Variants in AMBRA1 observed in about 807,000 individuals in gnomAD.
AMBRA1 encodes the protein autophagy and beclin 1 regulator 1, also known as activating molecule in BECN1-regulated autophagy protein 1.
In AMBRA1, 47 loss-of-function variants were observed where a neutral mutation model predicts 125.4. That is an observed-to-expected ratio of 0.37 (90% CI 0.30 to 0.48). The LOEUF (loss-of-function observed/expected upper bound fraction) is 0.48, where lower values mean the gene tolerates loss of function less well. AMBRA1 is among the 20% of genes least tolerant of loss of function. The pLI, the probability that AMBRA1 is intolerant of heterozygous loss-of-function variation, is 0.99. For synonymous variants in AMBRA1, 626 were observed against 655.5 expected (o/e 0.95, Z 0.69); for missense variants, 1,331 against 1,693.4 (o/e 0.79, Z 3.76).
At chr11:46,583,650 TCCAAAAAAAAAA>T (rs1220434066) in intron 1 of AMBRA1, among the ~76,000 whole-genome samples, 4 of 18,088 alleles carry the variant, frequency 2.2e-4, no homozygotes, top group South Asian at 9.8e-3. Context: ...CAAACAAATT[TCCAAAAAAAAAA>T]AAAAAAAAAA....
At chr11:46,411,191 C>T (rs370614262) in intron 15 of AMBRA1, among the ~76,000 whole-genome samples, 2 of 151,914 alleles carry the variant, frequency 1.3e-5, no homozygotes, top group African/African-American at 4.8e-5. Context: ...GCGGCCTGAG[C>T]GGAGGAAGAC....
chr11:46,586,883 T>G (rs2044422050), intron 1 of AMBRA1, among the ~76,000 whole-genome samples: 1 of 152,256 alleles, frequency 6.6e-6, no homozygotes, highest in Non-Finnish European at 1.5e-5. Flanking sequence ...GAGATATTTT[T>G]CTGTCCTGTT....
At chr11:46,428,588 T>G (rs1947273545) in intron 14 of AMBRA1, 1 of 1,146,034 alleles carries the variant, frequency 8.7e-7, no homozygotes, top group Non-Finnish European at 1.2e-6. Context: ...TTCTTCTTCT[T>G]CTTCTTTTTT....
At chr11:46,422,131 T>C (rs934981283) in intron 14 of AMBRA1, among the ~76,000 whole-genome samples, 4 of 152,058 alleles carry the variant, frequency 2.6e-5, no homozygotes, top group African/African-American at 9.7e-5. Flanking sequence ...GGACGTATTA[T>C]CAGAACAGGG....
In AMBRA1 at chr11:46,443,598, C is replaced by T; in HGVS notation, c.2522G>A (p.Gly841Glu). 1.2e-6 allele frequency: 2 copies of T among 1,612,836 alleles called. No individual in the cohort carries two copies. The highest frequency in any genetic ancestry group is 1.7e-6 in the Non-Finnish European group (2 of 1,178,962). The change falls in exon 12 of 18, where the codon GGG becomes GAG. Residue 841 changes from glycine (G) to glutamate (E), a missense_variant and splice_region_variant. This residue lies in a region of AMBRA1 where 354 missense variants were observed against 532.7 expected (regional missense o/e 0.66). Transcript: ENST00000683756. ...THSSVNRVLA[G>E]AVIGDGQSAV... is the part of the protein sequence containing the mutation. The stretch of plus-strand genomic sequence containing the variant: ...AGACTGTCCATCACCGATCACTGCC[C>T]CTTATGAGGAAGAAGTCAAAGACAG...
At chr11:46,578,882 CAAAAAAAAAAAAAAAAA>C (rs71042607) in intron 1 of AMBRA1, among the ~76,000 whole-genome samples, 1 of 24,454 alleles carries the variant, frequency 4.1e-5, no homozygotes, top group Non-Finnish European at 6.4e-5. Context: ...GACTCAGTCT[CAAAAAAAAAAAAAAAAA>C]AAAAAAAAAG....
intron 11 of AMBRA1, among the ~76,000 whole-genome samples, chr11:46,454,560 C>T (rs1202722417): frequency 6.9e-6 from 1 of 145,928 alleles, no homozygotes; most frequent in Non-Finnish European, 1.5e-5. Context: ...ACGGTGAAAC[C>T]CCATCTCCAC....
At chr11:46,559,008 A>T (rs531211923) in intron 1 of AMBRA1, among the ~76,000 whole-genome samples, 2 of 152,330 alleles carry the variant, frequency 1.3e-5, no homozygotes, top group South Asian at 4.1e-4. Flanking sequence ...TACCTTAAAA[A>T]GAAAAACCTA....
intron 11 of AMBRA1, among the ~76,000 whole-genome samples, chr11:46,478,531 C>T (rs892857479): frequency 1.3e-5 from 2 of 152,028 alleles, no homozygotes; most frequent in African/African-American, 4.8e-5. Flanking sequence ...CCCTGATATC[C>T]TATGTCTAGG....
chr11:46,437,571 C>T (rs1159748250), intron 12 of AMBRA1, among the ~76,000 whole-genome samples: 6 of 152,204 alleles, frequency 3.9e-5, no homozygotes, highest in Admixed American at 1.3e-4. Context: ...TTCATTCTCA[C>T]ATTTGCTGTT....
chr11:46,587,017 C>A (rs1319080268), intron 1 of AMBRA1, among the ~76,000 whole-genome samples: 2 of 152,120 alleles, frequency 1.3e-5, no homozygotes, highest in African/African-American at 2.4e-5. Flanking sequence ...TACCTGTGAT[C>A]TATTCTAGAG....
intron 11 of AMBRA1, among the ~76,000 whole-genome samples, chr11:46,473,381 G>A (rs1215485424): frequency 6.6e-6 from 1 of 152,232 alleles, no homozygotes; most frequent in Non-Finnish European, 1.5e-5. Context: ...CTTTAGGTGT[G>A]TTTAAGTGAC....
At chr11:46,460,388 C>A (rs1056839383) in intron 11 of AMBRA1, among the ~76,000 whole-genome samples, 2 of 150,706 alleles carry the variant, frequency 1.3e-5, no homozygotes, top group African/African-American at 4.9e-5. Flanking sequence ...GTGGCGCAAT[C>A]TTGGCTCACT....
chr11:46,419,831 G>A (rs1426652227), intron 14 of AMBRA1, among the ~76,000 whole-genome samples: 1 of 152,024 alleles, frequency 6.6e-6, no homozygotes, highest in Middle Eastern at 3.2e-3. Context: ...GGAAGGCAGG[G>A]AGGGATGATT....
intron 13 of AMBRA1, among the ~76,000 whole-genome samples, chr11:46,434,115 CAAAAAAAAAAAAA>C (rs145761376): frequency 3.7e-5 from 2 of 53,556 alleles, no homozygotes; most frequent in African/African-American, 6.6e-5. Context: ...AACTCCGTCT[CAAAAAAAAAAAAA>C]AAAAAAAAAG....
At chr11:46,447,623 T>G (rs565593129) in intron 11 of AMBRA1, among the ~76,000 whole-genome samples, 1 of 152,166 alleles carries the variant, frequency 6.6e-6, no homozygotes, top group South Asian at 2.1e-4. Context: ...TGAGGTGGGA[T>G]AGCTTGAGTC....
chr11:46,562,904 G>A (rs960003422), intron 1 of AMBRA1, among the ~76,000 whole-genome samples: 5 of 151,548 alleles, frequency 3.3e-5, no homozygotes, highest in African/African-American at 7.3e-5. Flanking sequence ...AGGTTCAAGC[G>A]ATTCTTCTAC....
At chr11:46,527,085 A>G (rs1457787264) in intron 7 of AMBRA1, among the ~76,000 whole-genome samples, 1 of 152,224 alleles carries the variant, frequency 6.6e-6, no homozygotes, top group African/African-American at 2.4e-5. Flanking sequence ...AAGGCTCTCC[A>G]TCTTTCTGAA....
intron 1 of AMBRA1, among the ~76,000 whole-genome samples, chr11:46,590,229 G>A (rs1441818932): frequency 6.6e-6 from 1 of 151,758 alleles, no homozygotes; most frequent in Non-Finnish European, 1.5e-5. Flanking sequence ...AAATTAGCTG[G>A]GTGCGGTGGT....
Sources: allele counts gnomAD v4.1 joint callset (sites outside exome capture counted in the v4.1 genomes callset), GRCh38; gene constraint gnomAD v4.1.1; regional missense constraint gnomAD v4.1.1; transcripts MANE v1.5; gene names NCBI Gene and HGNC (gene_info 2026-07-23, HGNC 2026-07-21).